KCNJ3: variants seen among roughly 807,000 people sequenced by gnomAD.
KCNJ3 encodes G protein-activated inward rectifier potassium channel 1.
In KCNJ3, 4 loss-of-function variants were observed where a neutral mutation model predicts 39.2. That is an observed-to-expected ratio of 0.10 (90% CI 0.05 to 0.23). The LOEUF is 0.23. Among genes scored for constraint, KCNJ3 ranks in the 10% least tolerant of loss-of-function variants. The pLI, the probability that KCNJ3 is intolerant of heterozygous loss-of-function variation, is 1.00. For missense variants in KCNJ3, 276 were observed against 634.9 expected, an observed-to-expected ratio of 0.43 and a Z score of 6.08; for synonymous variants, 230 against 237.4, an observed-to-expected ratio of 0.97 and a Z score of 0.29.
intron 2 of KCNJ3, among the ~76,000 whole-genome samples, chr2:154,723,460 G>T (rs1685297955): frequency 6.6e-6 from 1 of 152,092 alleles, no homozygotes; most frequent in African/African-American, 2.4e-5. Context: ...TTCACTTTAT[G>T]AGGCAAAAAA....
Position 154,705,993 on chromosome 2 carries a change from C to T in KCNJ3, c.703-3610C>T, listed in dbSNP as rs2105148464. 2.6e-5 allele frequency among the ~76,000 whole-genome samples: 4 copies of T among 152,186 alleles called. 1 individual carries two copies. In the South Asian group the frequency reaches 8.3e-4, roughly 32 times the overall value. On this transcript the variant is annotated intron_variant, in intron 1 of 2. Coordinates refer to ENST00000295101, the MANE Select transcript of KCNJ3 (RefSeq NM_002239.4). ...ATCTTCTAAATTTTTAAGAATTAAT[C>T]ATTTTTATTCACTTTCTTTAAACTT... is the stretch of plus-strand genomic sequence containing the variant.
At chr2:154,731,350 T>G (rs1347538469) in intron 2 of KCNJ3, among the ~76,000 whole-genome samples, 2 of 152,108 alleles carry the variant, frequency 1.3e-5, no homozygotes, top group African/African-American at 4.8e-5. Flanking sequence ...AAACTCAAAT[T>G]TATATGGTGA....
At chr2:154,791,258 T>C (rs1394639059) in intron 2 of KCNJ3, among the ~76,000 whole-genome samples, 2 of 144,852 alleles carry the variant, frequency 1.4e-5, no homozygotes, top group East Asian at 2.0e-4. Context: ...CTAAAGCATA[T>C]GCCCAAAATT....
intron 1 of KCNJ3, among the ~76,000 whole-genome samples, chr2:154,705,761 G>A (rs1343230968): frequency 1.3e-5 from 2 of 151,892 alleles, no homozygotes; most frequent in Non-Finnish European, 2.9e-5. Flanking sequence ...ATAATTTTTT[G>A]GACAGTTAAT....
intron 2 of KCNJ3, among the ~76,000 whole-genome samples, chr2:154,806,721 G>A (rs533820915): frequency 7.2e-5 from 11 of 152,266 alleles, no homozygotes; most frequent in African/African-American, 2.6e-4. Flanking sequence ...ACTCCAATCA[G>A]CAGGATGGCA....
chr2:154,733,127 G>A (rs559486486), intron 2 of KCNJ3, among the ~76,000 whole-genome samples: 2 of 152,156 alleles, frequency 1.3e-5, no homozygotes, highest in African/African-American at 4.8e-5. Flanking sequence ...CCCATATTGG[G>A]TGTTGAAACA....
intron 2 of KCNJ3, among the ~76,000 whole-genome samples, chr2:154,724,442 G>T (rs1390821761): frequency 2.0e-5 from 3 of 152,004 alleles, no homozygotes; most frequent in Non-Finnish European, 4.4e-5. Context: ...ACTGATTCAG[G>T]TAAAGAAAGG....
chr2:154,775,773 G>T (rs182591969), intron 2 of KCNJ3, among the ~76,000 whole-genome samples: 1 of 152,026 alleles, frequency 6.6e-6, no homozygotes, highest in African/African-American at 2.4e-5. Context: ...AAGTAATTGC[G>T]TAAAACATGA....
chr2:154,799,908 G>A (rs1204077383), intron 2 of KCNJ3, among the ~76,000 whole-genome samples: 1 of 152,158 alleles, frequency 6.6e-6, no homozygotes, highest in Admixed American at 6.5e-5. Flanking sequence ...TATGTAGTAC[G>A]TTAGCAGATT....
chr2:154,718,591 AC>A (rs1685218332), intron 2 of KCNJ3, among the ~76,000 whole-genome samples: 1 of 152,094 alleles, frequency 6.6e-6, no homozygotes, highest in South Asian at 2.1e-4. Flanking sequence ...TGAGAAGTTT[AC>A]TCTATTGATA....
intron 2 of KCNJ3, among the ~76,000 whole-genome samples, chr2:154,745,760 A>G (rs1384123897): frequency 2.6e-5 from 4 of 152,042 alleles, no homozygotes; most frequent in Non-Finnish European, 5.9e-5. Flanking sequence ...AAACCTGGAC[A>G]TTAATTGAAA....
rs1221565965 is a variant in KCNJ3 at position 154,856,138 on chromosome 2, C to T, written c.*825C>T. The T allele has an allele frequency of 2.0e-5, 3 of 152,458 alleles. No individual in the cohort carries two copies. The highest frequency in any genetic ancestry group is 2.9e-5 in the Non-Finnish European group (2 of 67,988). The allele number at this position is 152,458 out of a possible 1,614,324, so 9.4% of individuals were successfully genotyped here. A position where few individuals can be genotyped will look rare whatever the true frequency, so the allele number is the denominator to read the frequency against. On this transcript the variant is annotated 3_prime_UTR_variant, in exon 3 of 3. Coordinates refer to ENST00000295101, the MANE Select transcript of KCNJ3 (RefSeq NM_002239.4). ...TTATGATTTTTAAAAGTTGCTAGTA[C>T]TGGGGAGAAATAATTGTTGATTAAT...
intron 2 of KCNJ3, among the ~76,000 whole-genome samples, chr2:154,819,963 G>A (rs1302239342): frequency 1.3e-5 from 2 of 151,520 alleles, no homozygotes; most frequent in East Asian, 3.9e-4. Context: ...AACAAAACAA[G>A]CTGTGTGCTT....
intron 2 of KCNJ3, among the ~76,000 whole-genome samples, chr2:154,843,957 G>GT (rs1415278132): frequency 2.0e-5 from 3 of 152,186 alleles, no homozygotes; most frequent in Admixed American, 2.0e-4. Context: ...ACTCGTCAAA[G>GT]TCGTTCTCCA....
intron 2 of KCNJ3, among the ~76,000 whole-genome samples, chr2:154,804,908 G>A (rs997347687): frequency 6.6e-6 from 1 of 152,004 alleles, no homozygotes; most frequent in Admixed American, 6.6e-5. Context: ...CATCATTTGA[G>A]TTGTTTATAT....
intron 2 of KCNJ3, among the ~76,000 whole-genome samples, chr2:154,820,063 C>A (rs1048368434): frequency 1.5e-4 from 23 of 152,116 alleles, no homozygotes; most frequent in African/African-American, 5.6e-4. Context: ...CTAGTATTAA[C>A]ATCTTACATA....
At chr2:154,774,617 A>G (rs1686300370) in intron 2 of KCNJ3, among the ~76,000 whole-genome samples, 1 of 152,160 alleles carries the variant, frequency 6.6e-6, no homozygotes, top group South Asian at 2.1e-4. Flanking sequence ...ATACAAAAAT[A>G]CAAATATTTT....
Position 154,856,846 on chromosome 2 carries a change from A to G in KCNJ3, c.*1533A>G, listed in dbSNP as rs1206913009. On this transcript the variant is annotated 3_prime_UTR_variant, in exon 3 of 3. Coordinates refer to ENST00000295101, the MANE Select transcript of KCNJ3 (RefSeq NM_002239.4). ...TGAAAATTTAAAAGTGCTCCTTAACAGAATATCATGGGTTTTCCTATAAAA... is the reference window on the plus strand; with the variant it reads ...TGAAAATTTAAAAGTGCTCCTTAACGGAATATCATGGGTTTTCCTATAAAA... The G allele has an allele frequency of 1.3e-5, 2 of 152,338 alleles. No homozygotes were observed. The highest frequency in any genetic ancestry group is 1.9e-4 in the East Asian group (1 of 5,188). 9.4% of individuals were successfully genotyped at this position (152,338 alleles called of 1,614,324 possible).
At chr2:154,780,682 G>A (rs1686424443) in intron 2 of KCNJ3, among the ~76,000 whole-genome samples, 1 of 152,070 alleles carries the variant, frequency 6.6e-6, no homozygotes, top group Non-Finnish European at 1.5e-5. Flanking sequence ...TTATGCTTAG[G>A]ATTTTCTTGT....
Sources: gnomAD v4.1 joint callset for allele counts (sites outside exome capture counted in the v4.1 genomes callset) on GRCh38, gnomAD v4.1.1 for gene constraint, MANE v1.5 for transcripts, NCBI Gene and HGNC (gene_info 2026-07-23, HGNC 2026-07-21) for gene names.